TRPV3: variants seen among roughly 807,000 people sequenced by gnomAD.
TRPV3 encodes transient receptor potential cation channel subfamily V member 3, also known as VRL-3.
Under a neutral mutation model 87.1 loss-of-function variants are expected in TRPV3, and 88 were observed. That is an observed-to-expected ratio of 1.01 (90% CI 0.85 to 1.21). TRPV3 has a LOEUF of 1.21. Ranked by LOEUF, TRPV3 falls within the 50% of genes most tolerant of loss-of-function variation. TRPV3 has a pLI of 0.00. For missense variants in TRPV3, 1,054 were observed against 1,030.1 expected (o/e 1.02, Z -0.32); for synonymous variants, 438 against 423.3 (o/e 1.03, Z -0.43).
chr17:3,520,214 T>A (rs1186415803), intron 14 of TRPV3, among the ~76,000 whole-genome samples: 3 of 152,150 alleles, frequency 2.0e-5, no homozygotes, highest in African/African-American at 7.2e-5. Flanking sequence ...GAAAATGATA[T>A]CTCTCTATGC....
intron 2 of TRPV3, among the ~76,000 whole-genome samples, chr17:3,547,642 G>C (rs1396917132): frequency 1.3e-5 from 2 of 152,056 alleles, no homozygotes; most frequent in Admixed American, 6.6e-5. Context: ...CTGATCTAGA[G>C]CAGGGAGGAC....
intron 6 of TRPV3, among the ~76,000 whole-genome samples, chr17:3,541,122 T>C (rs1416269001): frequency 5.3e-5 from 8 of 152,084 alleles, no homozygotes; most frequent in African/African-American, 1.9e-4. Flanking sequence ...TCCCAGCACT[T>C]TGGGAGGTGA....
At chr17:3,545,723 T>C (rs1567643788) in intron 2 of TRPV3, among the ~76,000 whole-genome samples, 1 of 150,660 alleles carries the variant, frequency 6.6e-6, no homozygotes, top group Non-Finnish European at 1.5e-5. Flanking sequence ...CAGGGGCTAT[T>C]ATCCCAGCAC....
intron 2 of TRPV3, chr17:3,554,459 C>T (rs564302286): frequency 7.1e-5 from 25 of 351,958 alleles, no homozygotes; most frequent in African/African-American, 4.9e-4. Flanking sequence ...CCTCAGGAGC[C>T]CTCCTGACTG....
chr17:3,527,369 C>T (rs1210408097), intron 11 of TRPV3, among the ~76,000 whole-genome samples: 1 of 152,200 alleles, frequency 6.6e-6, no homozygotes, highest in Admixed American at 6.5e-5. Flanking sequence ...CATTCCCTGT[C>T]CCCAGATAAA....
Position 3,528,835 on chromosome 17 carries a change from A to T in TRPV3, c.1401+2T>A. 6.2e-7 allele frequency: 1 copy of T among 1,613,594 alleles called. No homozygotes were observed. Among genetic ancestry groups the T allele is most frequent in the Non-Finnish European group, 8.5e-7 (1 of 1,179,880 alleles). ...TTTTCCCCCTCCAAGGGGCCCACGT[A>T]CCTCCTCCTCCCGGGGGCGGTAGTA... On this transcript the variant is annotated splice_donor_variant, in intron 10 of 17. Coordinates refer to ENST00000576742, the MANE Select transcript of TRPV3 (RefSeq NM_145068.4). LOFTEE classifies it high-confidence loss of function. The surrounding 1 kb of genome is among the most constrained non-coding windows in gnomAD (Gnocchi z 4.2).
intron 6 of TRPV3, among the ~76,000 whole-genome samples, chr17:3,540,896 A>C (rs1414419165): frequency 6.6e-6 from 1 of 152,230 alleles, no homozygotes; most frequent in Non-Finnish European, 1.5e-5. Flanking sequence ...CAGTTGCAAC[A>C]GTCTTCCCTA....
In TRPV3 at chr17:3,528,481, C is replaced by G. The variant is rs1410687557; in HGVS notation, c.1402-355G>C. 6.6e-6 allele frequency among the ~76,000 whole-genome samples: 1 copy of G among 152,208 alleles called. No individual in the cohort carries two copies. Among genetic ancestry groups the G allele is most frequent in the Non-Finnish European group, 1.5e-5 (1 of 68,036 alleles). On this transcript the variant is annotated intron_variant, in intron 10 of 17. Transcript: ENST00000576742. The surrounding 1 kb of genome is among the most constrained non-coding windows in gnomAD (Gnocchi z 4.2). ...TGTGCCCCACGTGACGCATGGGAAACCGAAGCCCAGCAGGCAGGGAGAGCT... is the reference window on the plus strand; with the variant it reads ...TGTGCCCCACGTGACGCATGGGAAAGCGAAGCCCAGCAGGCAGGGAGAGCT...
chr17:3,543,891 C>T (rs1167757928), intron 4 of TRPV3, among the ~76,000 whole-genome samples: 2 of 152,172 alleles, frequency 1.3e-5, no homozygotes, highest in Non-Finnish European at 2.9e-5. Context: ...AAAGACATTA[C>T]CTTGAAAATA....
At chr17:3,548,344 C>T in intron 2 of TRPV3, among the ~76,000 whole-genome samples, 1 of 152,186 alleles carries the variant, frequency 6.6e-6, no homozygotes. Context: ...GGTCACCCCC[C>T]AGGGTAAAAG....
rs1157575786 is a variant in TRPV3 at position 3,544,584 on chromosome 17, G to A, written c.306C>T (p.Ser102=). 4.4e-6 allele frequency: 7 copies of A among 1,602,796 alleles called. No individual in the cohort carries two copies. Among genetic ancestry groups the A allele is most frequent in the East Asian group, 2.3e-5 (1 of 44,224 alleles). Reference sequence around the variant, plus strand: ...AGGGGGAGGGGCAGACTTACCTGGGGCTGTTGGGATTGGATGGGGTCTCTG... The same window carrying A: ...AGGGGGAGGGGCAGACTTACCTGGGACTGTTGGGATTGGATGGGGTCTCTG... ...DVTETPSNPN[S]PSAQLAKEEQ... is the part of the protein sequence containing the mutation. The change falls in exon 4 of 18, where the codon AGC becomes AGT. Residue 102 remains serine (S), a synonymous_variant. Transcript: ENST00000576742.
In TRPV3 at chr17:3,528,393, G is replaced by T. The variant is rs1410482803; in HGVS notation, c.1402-267C>A. The stretch of plus-strand genomic sequence containing the variant: ...ACACTCCATTGCAATAGCCTTTCCG[G>T]AACCCATCCATATCCAGGCACTCAA... On this transcript the variant is annotated intron_variant, in intron 10 of 17. Transcript: ENST00000576742. This position sits in a 1 kb window ranked among gnomAD's most constrained non-coding sequence, Gnocchi z 4.2. Among the ~76,000 whole-genome samples the T allele has an allele frequency of 6.6e-6, 1 of 152,090 alleles. No homozygotes were observed. Among genetic ancestry groups the T allele is most frequent in the Non-Finnish European group, 1.5e-5 (1 of 68,016 alleles).
At chr17:3,554,705 TC>T (rs776997055) in intron 2 of TRPV3, 26 bp downstream of exon 2, 1 of 1,528,380 alleles carries the variant, frequency 6.5e-7, no homozygotes, top group South Asian at 1.2e-5. Context: ...AGTGCCGCAG[TC>T]CGTGTCCCGA....
chr17:3,545,037 A>C (rs12945853), intron 3 of TRPV3, 130 bp downstream of exon 3: 6,914 of 587,356 alleles, frequency 0.012, 269 homozygotes, highest in African/African-American at 0.094. Context: ...ATAATAATAA[A>C]GTTTTATAAT....
intron 2 of TRPV3, chr17:3,552,999 G>A (rs1030894514): frequency 2.0e-5 from 3 of 152,256 alleles, no homozygotes; most frequent in Admixed American, 1.3e-4. Context: ...GCCTCCACCT[G>A]GGTGTCTCTC....
intron 3 of TRPV3, 139 bp from the exon 4 acceptor site, chr17:3,544,804 C>T: frequency 1.5e-6 from 1 of 653,376 alleles, no homozygotes; most frequent in South Asian, 1.8e-5. Context: ...CGAGACCAGC[C>T]TGGCCAACAT....
At chr17:3,514,758 T>C (rs1597463149) in intron 16 of TRPV3, 86 bp from the exon 17 acceptor site, 1 of 982,690 alleles carries the variant, frequency 1.0e-6, no homozygotes, top group East Asian at 2.4e-5. Context: ...CGTCCTGGTG[T>C]CTACACAGCT....
At position 3,543,389 on chromosome 17, in the gene TRPV3, G is replaced by C. The variant is rs151291383; in HGVS notation, c.466+85C>G. 60 of 1,532,308 alleles carry C rather than the reference G, an allele frequency of 3.9e-5. No homozygotes were observed. In the African/African-American group the frequency reaches 6.7e-4, roughly 17 times the overall value. The allele number at this position is 1,532,308 out of a possible 1,614,324, so 94.9% of individuals were successfully genotyped here. A position where few individuals can be genotyped will look rare whatever the true frequency, so the allele number is the denominator to read the frequency against. ...AAGGCCCCTCACACTCCAGCCTCAT[G>C]GGTTGGTGAGGGGAGGGGAAAATGG... On this transcript the variant is annotated intron_variant, in intron 5 of 17. Transcript: ENST00000576742.
chr17:3,543,518 T>C lies in TRPV3; in HGVS notation c.422A>G (p.Glu141Gly). ...GCGCCGCCTGCAAAGCTCCTGCAGC[T>C]CCACCAGCAACTCTACCAACTCCTC... ...CVEELVELLVELQELCRRRHD... is the reference protein window; with the variant it reads ...CVEELVELLVGLQELCRRRHD... Residue 141 changes from glutamate to glycine, a missense_variant, in exon 5 of 18, where the codon GAG becomes GGG. Coordinates refer to ENST00000576742, the MANE Select transcript of TRPV3 (RefSeq NM_145068.4). The C allele has an allele frequency of 2.5e-6, 4 of 1,613,850 alleles. No homozygotes were observed. The East Asian group carries it at 8.9e-5, about 36-fold the overall frequency.
Sources: gnomAD v4.1 joint callset for allele counts (sites outside exome capture counted in the v4.1 genomes callset) on GRCh38, gnomAD v4.1.1 for gene constraint, Gnocchi (gnomAD v3.1) non-coding constraint, MANE v1.5 for transcripts, NCBI Gene and HGNC (gene_info 2026-07-23, HGNC 2026-07-21) for gene names.